GSTP1: variants seen among roughly 807,000 people sequenced by gnomAD.
GSTP1 encodes the protein glutathione S-transferase P.
In GSTP1, 28 loss-of-function variants were observed where a neutral mutation model predicts 29.4. The ratio of observed to expected loss-of-function variants is 0.95; its 90% confidence interval spans 0.71 to 1.30. The LOEUF is 1.30. GSTP1 is among the 50% of genes most tolerant of loss of function. The pLI is 0.00. For synonymous variants in GSTP1, 122 were observed against 117.0 expected (o/e 1.04, Z -0.28); for missense variants, 267 against 266.1 (o/e 1.00, Z -0.02).
chr11:67,586,647 A>G lies in GSTP1; in HGVS notation c.*70A>G. ...CTCCAGGACCAATAAAATTTCTAAG[A>G]GAGCTACTATGAGCACTGTGTTTCC... On this transcript the variant is annotated 3_prime_UTR_variant, in exon 7 of 7. Coordinates refer to ENST00000398606, the MANE Select transcript of GSTP1 (RefSeq NM_000852.4). The G allele has an allele frequency of 7.4e-7, 1 of 1,350,698 alleles. No individual in the cohort carries two copies. The highest frequency in any genetic ancestry group is 1.0e-6 in the Non-Finnish European group (1 of 977,310). The allele number at this position is 1,350,698 out of a possible 1,614,324, so 83.7% of individuals were successfully genotyped here. A position where few individuals can be genotyped will look rare whatever the true frequency, so the allele number is the denominator to read the frequency against.
At chr11:67,585,341 C>G in intron 5 of GSTP1, 100 bp downstream of exon 5, 1 of 781,630 alleles carries the variant, frequency 1.3e-6, no homozygotes, top group Admixed American at 2.4e-5. Context: ...GGGCTGACCC[C>G]TTCTTGGGTC....
chr11:67,585,244 G>A lies in GSTP1; in HGVS notation c.336+3G>A, dbSNP rs369103732. On this transcript the variant is annotated splice_donor_region_variant and intron_variant, in intron 5 of 6. Transcript: ENST00000398606. ...TCTCCCTCATCTACACCAACTATGTGAGCATCTGCACCAGGGTTGGGCACT... is the reference window on the plus strand; with the variant it reads ...TCTCCCTCATCTACACCAACTATGTAAGCATCTGCACCAGGGTTGGGCACT... 3.0e-5 allele frequency: 47 copies of A among 1,575,724 alleles called. No individual in the cohort carries two copies. Among genetic ancestry groups the A allele is most frequent in the Non-Finnish European group, 3.7e-5 (42 of 1,145,354 alleles).
rs781578393 is a variant in GSTP1, at chr11:67,584,482, G to T, written c.56G>T (p.Arg19Leu). The T allele has an allele frequency of 9.7e-6, 15 of 1,549,008 alleles. No individual in the cohort carries two copies. The highest frequency in any genetic ancestry group is 2.4e-5 in the East Asian group (1 of 41,014). ...CCCGCAGGCCGCTGCGCGGCCCTGCGCATGCTGCTGGCAGATCAGGGCCAG... is the reference window on the plus strand; with the variant it reads ...CCCGCAGGCCGCTGCGCGGCCCTGCTCATGCTGCTGGCAGATCAGGGCCAG... ...FPVRGRCAAL[R>L]MLLADQGQSW... is the part of the protein sequence containing the mutation. Residue 19 changes from arginine to leucine, a missense_variant, in exon 3 of 7, where the codon CGC becomes CTC. Transcript: ENST00000398606.
Position 67,584,457 on chromosome 11 carries a change from C to T in GSTP1, c.38-7C>T, listed in dbSNP as rs976133059. ...TCCCCACATCTCGTACTTCTCCCTC[C>T]CCGCAGGCCGCTGCGCGGCCCTGCG... On this transcript the variant is annotated splice_region_variant and splice_polypyrimidine_tract_variant and intron_variant, in intron 2 of 6. Transcript: ENST00000398606. 18 of 1,472,372 alleles carry T rather than the reference C, an allele frequency of 1.2e-5. No homozygotes were observed. The highest frequency in any genetic ancestry group is 1.5e-5 in the Non-Finnish European group (16 of 1,098,652). The allele number at this position is 1,472,372 out of a possible 1,614,324, so 91.2% of individuals were successfully genotyped here. A position where few individuals can be genotyped will look rare whatever the true frequency, so the allele number is the denominator to read the frequency against.
rs1365217261 is a variant in GSTP1, at chr11:67,584,691, G to A, written c.151G>A (p.Gly51Arg). 6.2e-7 allele frequency: 1 copy of A among 1,613,464 alleles called. No individual in the cohort carries two copies. The highest frequency in any genetic ancestry group is 1.7e-5 in the Admixed American group (1 of 60,014). ...GCCATGCCTCCCCCAACAGCTATAC[G>A]GGCAGCTCCCCAAGTTCCAGGACGG... ...EGSLKASCLYGQLPKFQDGDL... is the reference protein window; with the variant it reads ...EGSLKASCLYRQLPKFQDGDL... The change falls in exon 4 of 7, where the codon GGG becomes AGG. Residue 51 changes from glycine (G) to arginine (R), a missense_variant. By Grantham distance (125) the Gly-to-Arg change is moderately radical (BLOSUM62 -2). Coordinates refer to ENST00000398606, the MANE Select transcript of GSTP1 (RefSeq NM_000852.4).
intron 5 of GSTP1, among the ~76,000 whole-genome samples, chr11:67,585,658 C>T (rs1278876273): frequency 7.4e-6 from 1 of 134,236 alleles, no homozygotes; most frequent in African/African-American, 2.9e-5. Context: ...GCAGAGGCAG[C>T]GTGTGTGCGC....
In GSTP1 at chr11:67,584,494, C is replaced by T. The variant is rs754355118; in HGVS notation, c.68C>T (p.Ala23Val). The T allele has an allele frequency of 4.5e-6, 7 of 1,559,768 alleles. No homozygotes were observed. The Admixed American group carries it at 1.4e-4, about 30-fold the overall frequency. Reference protein sequence around the residue: ...GRCAALRMLLADQGQSWKEEV... With the variant: ...GRCAALRMLLVDQGQSWKEEV... ...TGCGCGGCCCTGCGCATGCTGCTGG[C>T]AGATCAGGGCCAGAGCTGGAAGGAG... The change falls in exon 3 of 7, where the codon GCA becomes GTA. Residue 23 changes from alanine (A) to valine (V), a missense_variant. Coordinates refer to ENST00000398606, the MANE Select transcript of GSTP1 (RefSeq NM_000852.4).
rs1466687631 is a variant in GSTP1 at position 67,584,671 on chromosome 11, G to T, written c.145-14G>T. On this transcript the variant is annotated splice_polypyrimidine_tract_variant and intron_variant, in intron 3 of 6. Coordinates refer to ENST00000398606, the MANE Select transcript of GSTP1 (RefSeq NM_000852.4). Reference sequence around the variant, plus strand: ...AGCTCAGTGCCCCTCCCTGAGCCATGCCTCCCCCAACAGCTATACGGGCAG... The same window carrying T: ...AGCTCAGTGCCCCTCCCTGAGCCATTCCTCCCCCAACAGCTATACGGGCAG... 1 of 1,610,520 alleles carries T rather than the reference G, an allele frequency of 6.2e-7. No homozygotes were observed. The highest frequency in any genetic ancestry group is 1.1e-5 in the South Asian group (1 of 91,014).
At chr11:67,583,923 G>T in intron 1 of GSTP1, 79 bp downstream of exon 1, 1 of 680,724 alleles carries the variant, frequency 1.5e-6, no homozygotes, top group South Asian at 1.6e-5. Flanking sequence ...ATCAGGCCCG[G>T]GCTCCCGGCA....
Position 67,585,156 on chromosome 11 carries a change from AGCAGGAG to A in GSTP1, c.256_262del (p.Glu86ProfsTer6). On this transcript the variant is annotated frameshift_variant, in exon 5 of 7. Transcript: ENST00000398606. LOFTEE classifies it high-confidence loss of function. ...ACCCCAGGGCTCTATGGGAAGGACC[AGCAGGAG>A]GCAGCCCTGGTGGACATGGTGAATG... 1 of 1,613,120 alleles carries A rather than the reference AGCAGGAG, an allele frequency of 6.2e-7. No individual in the cohort carries two copies. Among genetic ancestry groups the A allele is most frequent in the Non-Finnish European group, 8.5e-7 (1 of 1,179,166 alleles).
chr11:67,584,725 C>T lies in GSTP1; in HGVS notation c.185C>T (p.Thr62Ile), dbSNP rs763540257. 3 of 1,613,616 alleles carry T rather than the reference C, an allele frequency of 1.9e-6. No homozygotes were observed. In the African/African-American group the frequency reaches 4.0e-5, roughly 22 times the overall value. The change falls in exon 4 of 7, where the codon ACC becomes ATC. Residue 62 changes from threonine (T) to isoleucine (I), a missense_variant. By Grantham distance (89) the Thr-to-Ile change is moderately conservative. Coordinates refer to ENST00000398606, the MANE Select transcript of GSTP1 (RefSeq NM_000852.4). ...QLPKFQDGDL[T>I]LYQSNTILRH... ...CCCAAGTTCCAGGACGGAGACCTCA[C>T]CCTGTACCAGTCCAATACCATCCTG...
Position 67,586,115 on chromosome 11 carries a change from G to A in GSTP1, c.348G>A (p.Lys116=), listed in dbSNP as rs2134395201. Residue 116 remains lysine (K), a synonymous_variant, in exon 6 of 7, where the codon AAG becomes AAA. Transcript: ENST00000398606. ...SLIYTNYEAG[K]DDYVKALPGQ... is the part of the protein sequence containing the mutation. ...GTGGTGTCTGGCAGGAGGCGGGCAA[G>A]GATGACTATGTGAAGGCACTGCCCG... 6.2e-7 allele frequency: 1 copy of A among 1,613,336 alleles called. No homozygotes were observed. The highest frequency in any genetic ancestry group is 8.5e-7 in the Non-Finnish European group (1 of 1,179,412).
intron 2 of GSTP1, 132 bp downstream of exon 2, chr11:67,584,301 TTCCCCGCCTCTCCCGCCATGCCTGC>T: frequency 1.3e-6 from 1 of 758,146 alleles, no homozygotes; most frequent in Non-Finnish European, 2.2e-6. Context: ...CTCCTTCCTG[TTCCCCGCCTCTCCCGCCATGCCTGC>T]TCCCCGCCCC....
rs1867437932 is a variant in GSTP1 at position 67,584,762 on chromosome 11, C to T, written c.222C>T (p.Gly74=). 6.2e-7 allele frequency: 1 copy of T among 1,608,648 alleles called. No homozygotes were observed. Among genetic ancestry groups the T allele is most frequent in the Admixed American group, 1.7e-5 (1 of 60,000 alleles). ...CCAATACCATCCTGCGTCACCTGGGCCGCACCCTTGGTGAGTCTTGAACCT... is the reference window on the plus strand; with the variant it reads ...CCAATACCATCCTGCGTCACCTGGGTCGCACCCTTGGTGAGTCTTGAACCT... The part of the protein sequence containing the change: ...YQSNTILRHL[G]RTLGLYGKDQ... Residue 74 remains glycine, a synonymous_variant, in exon 4 of 7, where the codon GGC becomes GGT. Transcript: ENST00000398606.
At chr11:67,583,871 G>C in intron 1 of GSTP1, 27 bp downstream of exon 1, 1 of 740,024 alleles carries the variant, frequency 1.4e-6, no homozygotes, top group Middle Eastern at 3.3e-4. Flanking sequence ...CGCGTCCCCG[G>C]GGATGGGGCT....
intron 1 of GSTP1, 129 bp downstream of exon 1, chr11:67,583,973 G>C (rs919546435): frequency 2.8e-5 from 19 of 684,648 alleles, no homozygotes; most frequent in African/African-American, 5.3e-5. Flanking sequence ...CGGGGGCCTA[G>C]GGGACCCAGG....
chr11:67,585,076 C>T, intron 4 of GSTP1, 62 bp from the exon 5 acceptor site: 1 of 1,080,696 alleles, frequency 9.3e-7, no homozygotes, highest in East Asian at 2.4e-5. Context: ...GGCCCATCCC[C>T]AGTGACTGTG....
In GSTP1 at chr11:67,584,162, A is replaced by G; in HGVS notation, c.30A>G (p.Pro10=). The G allele has an allele frequency of 1.2e-6, 2 of 1,612,302 alleles. No homozygotes were observed. The highest frequency in any genetic ancestry group is 1.7e-6 in the Non-Finnish European group (2 of 1,178,592). ...CGCCCTACACCGTGGTCTATTTCCC[A>G]GTTCGAGGTAGGAGCATGTGTCTGG... MPPYTVVYF[P]VRGRCAALRM... The change falls in exon 2 of 7, where the codon CCA becomes CCG. Residue 10 remains proline (P), a synonymous_variant. Coordinates refer to ENST00000398606, the MANE Select transcript of GSTP1 (RefSeq NM_000852.4).
chr11:67,586,587 G>A lies in GSTP1; in HGVS notation c.*10G>A, dbSNP rs753608294. 1 of 1,603,626 alleles carries A rather than the reference G, an allele frequency of 6.2e-7. No homozygotes were observed. The highest frequency in any genetic ancestry group is 8.5e-7 in the Non-Finnish European group (1 of 1,173,428). ...CAACGGGAAACAGTGAGGGTTGGGGGGACTCTGAGCGGGAGGCAGAGTTTG... is the reference window on the plus strand; with the variant it reads ...CAACGGGAAACAGTGAGGGTTGGGGAGACTCTGAGCGGGAGGCAGAGTTTG... On this transcript the variant is annotated 3_prime_UTR_variant, in exon 7 of 7. Transcript: ENST00000398606.
Sources: gnomAD v4.1 joint callset for allele counts (sites outside exome capture counted in the v4.1 genomes callset) on GRCh38, gnomAD v4.1.1 for gene constraint, MANE v1.5 for transcripts, NCBI Gene and HGNC (gene_info 2026-07-23, HGNC 2026-07-21) for gene names.